The following DSE variants were observed in gnomAD, a reference collection of about 807,000 sequenced individuals.
DSE encodes the protein dermatan-sulfate epimerase.
Under a neutral mutation model 84.4 loss-of-function variants are expected in DSE, and 36 were observed. That is an observed-to-expected ratio of 0.43 (90% CI 0.33 to 0.56). The LOEUF (loss-of-function observed/expected upper bound fraction) is 0.56. Among genes scored for constraint, DSE ranks in the 20% least tolerant of loss-of-function variants. DSE has a pLI of 0.06. For missense variants in DSE, 862 were observed against 1,169.6 expected (o/e 0.74, Z 3.84); for synonymous variants, 410 against 430.1 (o/e 0.95, Z 0.58).
chr6:116,266,244 G>T (rs1204859), intron 2 of DSE, among the ~76,000 whole-genome samples: 33,725 of 152,162 alleles, frequency 0.22, 3,887 homozygotes, highest in East Asian at 0.29. Flanking sequence ...TCCAGGAGGT[G>T]TGAACTTGGC....
At chr6:116,314,162 C>G (rs1775844465) in intron 2 of DSE, among the ~76,000 whole-genome samples, 1 of 152,004 alleles carries the variant, frequency 6.6e-6, no homozygotes, top group Non-Finnish European at 1.5e-5. Flanking sequence ...GGTCCATGTG[C>G]TTTCACAATA....
At chr6:116,321,242 T>C (rs1440024290) in intron 2 of DSE, among the ~76,000 whole-genome samples, 1 of 1,292 alleles carries the variant, frequency 7.7e-4, no homozygotes, top group Non-Finnish European at 1.9e-3. Flanking sequence ...TGTGTAAGCA[T>C]AGCTCACTGC....
At chr6:116,399,790 A>G in intron 2 of DSE, 124 bp downstream of exon 2, 1 of 915,468 alleles carries the variant, frequency 1.1e-6, no homozygotes, top group Non-Finnish European at 1.6e-6. Flanking sequence ...GGGAGGTGTT[A>G]TTTGTTATTT....
chr6:116,376,752 G>T (rs1779955044), intron 1 of DSE, among the ~76,000 whole-genome samples: 1 of 152,162 alleles, frequency 6.6e-6, no homozygotes, highest in South Asian at 2.1e-4. Flanking sequence ...AGCATAATTT[G>T]CTTTGGCATT....
chr6:116,278,457 G>C (rs1002487042), intron 2 of DSE: 2 of 1,609,700 alleles, frequency 1.2e-6, no homozygotes, highest in Non-Finnish European at 1.7e-6. Context: ...TGATGCCCAA[G>C]CACAGGTCCA....
chr6:116,333,467 C>T (rs1184194497), intron 2 of DSE, among the ~76,000 whole-genome samples: 1 of 152,128 alleles, frequency 6.6e-6, no homozygotes, highest in Admixed American at 6.5e-5. Flanking sequence ...GAAGAAAGTG[C>T]CCCCATGACT....
intron 1 of DSE, among the ~76,000 whole-genome samples, chr6:116,394,359 A>G (rs1781106171): frequency 6.6e-6 from 1 of 152,186 alleles, no homozygotes; most frequent in African/African-American, 2.4e-5. Flanking sequence ...CCTACACGTA[A>G]TGCTAAACTT....
intron 1 of DSE, among the ~76,000 whole-genome samples, chr6:116,380,147 T>C (rs753270679): frequency 7.9e-5 from 12 of 152,200 alleles, no homozygotes; most frequent in Non-Finnish European, 1.6e-4. Flanking sequence ...TTTCCCAATG[T>C]ACTTTTGAAC....
chr6:116,433,052 C>T, intron 4 of DSE: 1 of 396,380 alleles, frequency 2.5e-6, no homozygotes, highest in Non-Finnish European at 4.7e-6. Flanking sequence ...TCACGTATAG[C>T]ATGAACATTG....
At chr6:116,288,894 GA>G (rs983566831) in intron 2 of DSE, among the ~76,000 whole-genome samples, 2 of 151,804 alleles carry the variant, frequency 1.3e-5, no homozygotes, top group African/African-American at 4.8e-5. Context: ...AGTCTTAAGG[GA>G]AAAAAACACC....
At chr6:116,317,324 C>T (rs773569386) in intron 2 of DSE, among the ~76,000 whole-genome samples, 6 of 152,204 alleles carry the variant, frequency 3.9e-5, no homozygotes, top group Non-Finnish European at 7.3e-5. Context: ...ATTCTGCCCC[C>T]TGCAGTCAAA....
chr6:116,388,839 CT>C lies in DSE; in HGVS notation c.-53-10353del, dbSNP rs1056847968. ...TGATGAAGAAGTAGATTGGTAATTG[CT>C]TTTTTCCTCAGATCTGTTTGGTTAC... On this transcript the variant is annotated intron_variant, in intron 1 of 5. Coordinates refer to ENST00000644252, the MANE Select transcript of DSE (RefSeq NM_013352.4). 2.6e-5 allele frequency among the ~76,000 whole-genome samples: 4 copies of C among 152,098 alleles called. No individual in the cohort carries two copies. The East Asian group carries it at 7.7e-4, about 29-fold the overall frequency.
chr6:116,439,652 T>C lies in DSE; in HGVS notation c.*2307T>C, dbSNP rs1395029765. On this transcript the variant is annotated 3_prime_UTR_variant, in exon 6 of 6. Transcript: ENST00000644252. ...AGCAATGTTAAATCTCCCTTGAAAC[T>C]GAGTAATCAGTTATGGAATCTGTTT... is the stretch of plus-strand genomic sequence containing the variant. 6.6e-6 allele frequency: 1 copy of C among 152,216 alleles called. No homozygotes were observed. Among genetic ancestry groups the C allele is most frequent in the African/African-American group, 2.4e-5 (1 of 41,458 alleles). 9.4% of individuals were successfully genotyped at this position (152,216 alleles called of 1,614,324 possible).
intron 1 of DSE, among the ~76,000 whole-genome samples, chr6:116,382,775 A>G (rs1482747907): frequency 1.3e-5 from 2 of 152,250 alleles, no homozygotes; most frequent in East Asian, 3.9e-4. Flanking sequence ...GTGGCAAGAG[A>G]GAAATTTTTC....
chr6:116,421,926 T>A (rs1335528891), intron 2 of DSE, among the ~76,000 whole-genome samples: 1 of 151,932 alleles, frequency 6.6e-6, no homozygotes, highest in Admixed American at 6.6e-5. Context: ...AAGGGAGGAG[T>A]ATTTTAATAA....
At chr6:116,346,682 T>C (rs1471565158) in intron 2 of DSE, among the ~76,000 whole-genome samples, 1 of 152,168 alleles carries the variant, frequency 6.6e-6, no homozygotes, top group African/African-American at 2.4e-5. Context: ...GGGCAAAAAC[T>C]GGAAGCATTC....
chr6:116,312,943 A>G (rs1268799925), intron 2 of DSE, among the ~76,000 whole-genome samples: 1 of 152,136 alleles, frequency 6.6e-6, no homozygotes, highest in Non-Finnish European at 1.5e-5. Context: ...TGAGTGAGGG[A>G]TACAAATATA....
chr6:116,276,091 C>G (rs1479637809), intron 2 of DSE, among the ~76,000 whole-genome samples: 1 of 152,134 alleles, frequency 6.6e-6, no homozygotes, highest in East Asian at 1.9e-4. Flanking sequence ...AGAGGTCCCT[C>G]CAAAGTACAC....
intron 2 of DSE, among the ~76,000 whole-genome samples, chr6:116,354,163 A>G (rs922961572): frequency 6.6e-6 from 1 of 152,212 alleles, no homozygotes; most frequent in African/African-American, 2.4e-5. Flanking sequence ...ATATGAGGCA[A>G]GGATTAGAGA....
Sources: allele counts gnomAD v4.1 joint callset (sites outside exome capture counted in the v4.1 genomes callset), GRCh38; gene constraint gnomAD v4.1.1; transcripts MANE v1.5; gene names NCBI Gene and HGNC (gene_info 2026-07-23, HGNC 2026-07-21).